The following ARHGAP32 variants were observed in gnomAD, a reference collection of about 807,000 sequenced individuals.
ARHGAP32 encodes the protein rho GTPase-activating protein 32.
ARHGAP32 carries 51 observed loss-of-function variants against 186.5 expected under a neutral mutation model. The ratio of observed to expected loss-of-function variants is 0.27; its 90% CI spans 0.22 to 0.35. The LOEUF is 0.35. ARHGAP32 is among the 10% of genes least tolerant of loss of function. The pLI, the probability that ARHGAP32 is intolerant of heterozygous loss-of-function variation, is 1.00. For missense variants in ARHGAP32, 2,186 were observed against 2,623.5 expected (o/e 0.83, Z 3.64); for synonymous variants, 950 against 964.3 (o/e 0.99, Z 0.27).
rs191659370 is a variant in ARHGAP32 at position 129,090,111 on chromosome 11, T to G, written c.531+3510A>C. Reference sequence around the variant, plus strand: ...TGACACCTACCTTTCACAGAAGCATTATGAGGTTAAATAAAAATCCTGGCA... The same window carrying G: ...TGACACCTACCTTTCACAGAAGCATGATGAGGTTAAATAAAAATCCTGGCA... On this transcript the variant is annotated intron_variant, in intron 6 of 22. Transcript: ENST00000682385. Among the ~76,000 whole-genome samples the G allele has an allele frequency of 1.9e-3, 288 of 152,300 alleles. 3 individuals carry two copies. Among genetic ancestry groups the G allele is most frequent in the African/African-American group, 6.6e-3 (275 of 41,574 alleles).
chr11:129,254,294 G>C (rs1299802874), intron 1 of ARHGAP32, among the ~76,000 whole-genome samples: 1 of 151,966 alleles, frequency 6.6e-6, no homozygotes, highest in Non-Finnish European at 1.5e-5. Context: ...TCCTAAGATA[G>C]TCCCAATTTT....
At chr11:129,022,822 C>A (rs1938653456) in intron 11 of ARHGAP32, among the ~76,000 whole-genome samples, 1 of 152,114 alleles carries the variant, frequency 6.6e-6, no homozygotes, top group South Asian at 2.1e-4. Context: ...TCTAGTCCTT[C>A]CTGCTCTAAT....
chr11:129,014,062 C>T (rs115492046), intron 11 of ARHGAP32, among the ~76,000 whole-genome samples: 1,733 of 152,292 alleles, frequency 0.011, 30 homozygotes, highest in African/African-American at 0.039. Flanking sequence ...GCAAACAATA[C>T]TTAGACAAAA....
chr11:129,053,847 G>A (rs999578798), intron 10 of ARHGAP32, among the ~76,000 whole-genome samples: 1 of 152,106 alleles, frequency 6.6e-6, no homozygotes, highest in Non-Finnish European at 1.5e-5. Context: ...CTTAACTGGA[G>A]AGTAAACATT....
Position 129,068,374 on chromosome 11 carries a change from G to GATGC in ARHGAP32, c.532-1510_532-1507dup, listed in dbSNP as rs1242594723. Among the ~76,000 whole-genome samples the GATGC allele has an allele frequency of 1.3e-4, 20 of 152,112 alleles. No homozygotes were observed. The East Asian group carries it at 3.9e-3, about 29-fold the overall frequency. ...TTCCTGTCATGTTAGCTCTTTCTTT[G>GATGC]ATGCTTTGCTCAAGCAAACTCCTTT... On this transcript the variant is annotated intron_variant, in intron 6 of 22. Coordinates refer to ENST00000682385, the MANE Select transcript of ARHGAP32 (RefSeq NM_001378024.1).
At chr11:129,012,709 G>C (rs1209981953) in intron 11 of ARHGAP32, among the ~76,000 whole-genome samples, 1 of 152,112 alleles carries the variant, frequency 6.6e-6, no homozygotes, top group Non-Finnish European at 1.5e-5. Context: ...GTATCCAAAA[G>C]AAAGAAAGGG....
intron 10 of ARHGAP32, among the ~76,000 whole-genome samples, chr11:129,050,786 G>A (rs187161315): frequency 9.9e-4 from 151 of 152,144 alleles, no homozygotes; most frequent in African/African-American, 3.5e-3. Flanking sequence ...AATGCTATCC[G>A]TTCCCTAGTC....
At chr11:129,122,529 A>T (rs1942557120) in intron 5 of ARHGAP32, among the ~76,000 whole-genome samples, 1 of 152,112 alleles carries the variant, frequency 6.6e-6, no homozygotes, top group Non-Finnish European at 1.5e-5. Flanking sequence ...GGATATACAC[A>T]CTAATGGAAC....
intron 1 of ARHGAP32, among the ~76,000 whole-genome samples, chr11:129,269,693 G>C (rs982565021): frequency 1.3e-5 from 2 of 151,694 alleles, no homozygotes; most frequent in African/African-American, 4.8e-5. Flanking sequence ...CTCCATCCTG[G>C]GTGACAGAGT....
intron 2 of ARHGAP32, among the ~76,000 whole-genome samples, chr11:129,126,963 T>C (rs1942676692): frequency 2.6e-5 from 4 of 152,184 alleles, no homozygotes; most frequent in Admixed American, 2.6e-4. Flanking sequence ...AAGTGGCTTT[T>C]CACTACTCTG....
intron 1 of ARHGAP32, among the ~76,000 whole-genome samples, chr11:129,236,537 T>C (rs879606971): frequency 2.6e-5 from 4 of 152,196 alleles, no homozygotes; most frequent in Non-Finnish European, 5.9e-5. Context: ...TTGCTGATTA[T>C]TTCTTTTGCT....
At chr11:128,977,851 T>TTTTTTATTA (rs368859931) in intron 19 of ARHGAP32, among the ~76,000 whole-genome samples, 11 of 138,968 alleles carry the variant, frequency 7.9e-5, no homozygotes, top group African/African-American at 1.1e-4. Flanking sequence ...TTATTTGCAA[T>TTTTTTATTA]TTATTATTAT....
At chr11:129,272,121 G>T (rs1319584205) in intron 1 of ARHGAP32, among the ~76,000 whole-genome samples, 1 of 151,906 alleles carries the variant, frequency 6.6e-6, no homozygotes, top group Non-Finnish European at 1.5e-5. Context: ...TGCTGCAAAA[G>T]GAAACAAAAA....
At chr11:128,985,365 A>G (rs1175946948) in intron 15 of ARHGAP32, among the ~76,000 whole-genome samples, 1 of 152,150 alleles carries the variant, frequency 6.6e-6, no homozygotes, top group Non-Finnish European at 1.5e-5. Flanking sequence ...TCATTTTGAA[A>G]AAAAAAATTA....
chr11:129,164,964 A>C (rs924633956), intron 1 of ARHGAP32, among the ~76,000 whole-genome samples: 3 of 152,198 alleles, frequency 2.0e-5, no homozygotes, highest in Admixed American at 2.0e-4. Flanking sequence ...CAGGGCTACA[A>C]GCTTTGAGAT....
At chr11:129,261,899 G>A (rs909751215) in intron 1 of ARHGAP32, among the ~76,000 whole-genome samples, 1 of 152,052 alleles carries the variant, frequency 6.6e-6, no homozygotes, top group Non-Finnish European at 1.5e-5. Context: ...CTTTGTTGCT[G>A]TAACAAGAAA....
chr11:129,269,278 AAATT>A (rs909191617), intron 1 of ARHGAP32, among the ~76,000 whole-genome samples: 7 of 151,836 alleles, frequency 4.6e-5, no homozygotes, highest in Non-Finnish European at 7.4e-5. Context: ...CTCGAAAAAT[AAATT>A]AATTAATTAA....
chr11:128,978,775 A>T lies in ARHGAP32; in HGVS notation c.2117T>A (p.Leu706Gln). 1 of 1,608,562 alleles carries T rather than the reference A, an allele frequency of 6.2e-7. No individual in the cohort carries two copies. The highest frequency in any genetic ancestry group is 8.5e-7 in the Non-Finnish European group (1 of 1,178,422). Residue 706 changes from leucine (L) to glutamine (Q), a missense_variant, in exon 19 of 23, where the codon CTG becomes CAG. Leu to Gln is a moderately radical substitution (Grantham distance 113). Transcript: ENST00000682385. Reference protein sequence around the residue: ...SEPSEMKAMALKGGRAEGTLR... With the variant: ...SEPSEMKAMAQKGGRAEGTLR... ...AGAATCTCCCAGGCACTCACCTTTCAGAGCCATGGCTTTCATCTCTGAAGG... is the reference window on the plus strand; with the variant it reads ...AGAATCTCCCAGGCACTCACCTTTCTGAGCCATGGCTTTCATCTCTGAAGG...
intron 5 of ARHGAP32, among the ~76,000 whole-genome samples, chr11:129,119,358 A>G (rs1942463130): frequency 6.6e-6 from 1 of 152,054 alleles, no homozygotes; most frequent in African/African-American, 2.4e-5. Context: ...CTTAAACAGG[A>G]TGGTTACATA....
Sources: allele counts gnomAD v4.1 joint callset (sites outside exome capture counted in the v4.1 genomes callset), GRCh38; gene constraint gnomAD v4.1.1; transcripts MANE v1.5; gene names NCBI Gene and HGNC (gene_info 2026-07-23, HGNC 2026-07-21).